Variants in FCHSD2 observed in about 807,000 individuals in gnomAD.
The protein encoded by FCHSD2 is F-BAR and double SH3 domains protein 2.
Under a neutral mutation model 108.1 loss-of-function variants are expected in FCHSD2, and 38 were observed. The ratio of observed to expected loss-of-function variants is 0.35; its 90% confidence interval spans 0.27 to 0.46. The LOEUF (loss-of-function observed/expected upper bound fraction) is 0.46, where lower values mean the gene tolerates loss of function less well. Ranked by LOEUF, FCHSD2 falls within the 20% of genes least tolerant of loss-of-function variation. The pLI, the probability that FCHSD2 is intolerant of heterozygous loss-of-function variation, is 1.00. For missense variants in FCHSD2, 751 were observed against 897.8 expected (o/e 0.84, Z 2.09); for synonymous variants, 279 against 314.7 (o/e 0.89, Z 1.20).
At chr11:73,082,164 A>C (rs184234438) in intron 3 of FCHSD2, among the ~76,000 whole-genome samples, 1 of 151,880 alleles carries the variant, frequency 6.6e-6, no homozygotes, top group African/African-American at 2.4e-5. Context: ...GGTGAAACCC[A>C]GTCTCTACTA....
At chr11:72,993,668 A>C (rs1429542129) in intron 5 of FCHSD2, among the ~76,000 whole-genome samples, 3 of 151,362 alleles carry the variant, frequency 2.0e-5, no homozygotes, top group Non-Finnish European at 4.4e-5. Context: ...ACAAAAAACC[A>C]AACACCGCAT....
chr11:73,057,123 T>C (rs1021086704), intron 3 of FCHSD2, among the ~76,000 whole-genome samples: 1 of 151,956 alleles, frequency 6.6e-6, no homozygotes, highest in Non-Finnish European at 1.5e-5. Flanking sequence ...ATAAAATCCA[T>C]AGGTTGACAA....
chr11:72,848,729 G>A (rs1401135533), intron 14 of FCHSD2, among the ~76,000 whole-genome samples: 3 of 152,146 alleles, frequency 2.0e-5, no homozygotes, highest in Non-Finnish European at 4.4e-5. Context: ...TTGAATGAAT[G>A]TGAACTGTTT....
At chr11:72,909,310 T>G (rs1855700668) in intron 9 of FCHSD2, among the ~76,000 whole-genome samples, 4 of 152,220 alleles carry the variant, frequency 2.6e-5, no homozygotes, top group Admixed American at 2.6e-4. Context: ...GTGCTGGGAT[T>G]GCAGATGGAG....
chr11:72,886,772 C>T (rs1306718709), intron 12 of FCHSD2, among the ~76,000 whole-genome samples: 2 of 152,186 alleles, frequency 1.3e-5, no homozygotes, highest in African/African-American at 4.8e-5. Context: ...TCTGTGTCTT[C>T]CTCCTTTGCT....
chr11:73,091,800 G>C (rs1011331636), intron 2 of FCHSD2, among the ~76,000 whole-genome samples: 6 of 152,206 alleles, frequency 3.9e-5, no homozygotes, highest in African/African-American at 7.2e-5. Context: ...AGTACTTTGG[G>C]AGGCCGAGGC....
rs1052219556 is a variant in FCHSD2, at chr11:72,993,848, G to C, written c.388-4751C>G. Among the ~76,000 whole-genome samples the C allele has an allele frequency of 3.0e-4, 46 of 152,016 alleles. 1 individual carries two copies. The highest frequency in any genetic ancestry group is 1.1e-3 in the African/African-American group (45 of 41,378). The stretch of plus-strand genomic sequence containing the variant: ...GGGTGCAGCACACCAACATGGCACT[G>C]TATACATATGTAACTAACCTGCACG... On this transcript the variant is annotated intron_variant, in intron 5 of 19. Coordinates refer to ENST00000409418, the MANE Select transcript of FCHSD2 (RefSeq NM_014824.3).
At chr11:72,955,772 C>G (rs945193689) in intron 8 of FCHSD2, among the ~76,000 whole-genome samples, 2 of 152,088 alleles carry the variant, frequency 1.3e-5, no homozygotes, top group East Asian at 3.8e-4. Context: ...AATATAGGAA[C>G]AAAAGATTCT....
At chr11:72,865,574 T>C (rs769540693) in intron 13 of FCHSD2, among the ~76,000 whole-genome samples, 3 of 152,112 alleles carry the variant, frequency 2.0e-5, no homozygotes, top group Non-Finnish European at 2.9e-5. Flanking sequence ...AGCTCCTTCA[T>C]TCCCTTCCTT....
chr11:72,849,732 C>T, intron 14 of FCHSD2, 23 bp downstream of exon 14: 3 of 1,573,078 alleles, frequency 1.9e-6, no homozygotes, highest in Non-Finnish European at 2.6e-6. Context: ...AATTTAATAA[C>T]ATTATGTTGG....
chr11:72,981,986 A>G (rs551506563), intron 8 of FCHSD2, among the ~76,000 whole-genome samples: 5 of 152,300 alleles, frequency 3.3e-5, no homozygotes, highest in African/African-American at 1.2e-4. Context: ...TGTCTCAAAA[A>G]CTATATATAC....
intron 10 of FCHSD2, among the ~76,000 whole-genome samples, chr11:72,897,282 C>A (rs1378352500): frequency 7.0e-6 from 1 of 143,646 alleles, no homozygotes; most frequent in Non-Finnish European, 1.5e-5. Context: ...TCTGTGGATT[C>A]AACCAACCGT....
intron 13 of FCHSD2, among the ~76,000 whole-genome samples, chr11:72,851,385 CAG>C (rs1357200818): frequency 2.0e-5 from 3 of 152,114 alleles, no homozygotes; most frequent in Non-Finnish European, 2.9e-5. Flanking sequence ...TGTCCATCAA[CAG>C]GGGAATGTTT....
chr11:72,993,784 G>T (rs1857467595), intron 5 of FCHSD2, among the ~76,000 whole-genome samples: 1 of 151,624 alleles, frequency 6.6e-6, no homozygotes, highest in African/African-American at 2.4e-5. Flanking sequence ...GGGAGGGATA[G>T]CATTTGGAGA....
At chr11:73,068,415 T>A (rs1035382372) in intron 3 of FCHSD2, among the ~76,000 whole-genome samples, 19 of 151,778 alleles carry the variant, frequency 1.3e-4, no homozygotes, top group African/African-American at 4.6e-4. Flanking sequence ...CTGAGCTTAA[T>A]ACCTGGATGA....
intron 4 of FCHSD2, among the ~76,000 whole-genome samples, chr11:73,003,060 T>C (rs1257787851): frequency 6.6e-6 from 1 of 152,166 alleles, no homozygotes; most frequent in Non-Finnish European, 1.5e-5. Context: ...GACAAATCCT[T>C]TCATTAAAAA....
chr11:72,983,793 C>A, intron 8 of FCHSD2: 1 of 492,966 alleles, frequency 2.0e-6, no homozygotes, highest in Non-Finnish European at 3.9e-6. Context: ...TATTTTATTT[C>A]TTACATCACT....
At chr11:72,939,570 T>C (rs556615317) in intron 8 of FCHSD2, among the ~76,000 whole-genome samples, 3 of 151,176 alleles carry the variant, frequency 2.0e-5, no homozygotes, top group South Asian at 2.1e-4. Context: ...CTCTGGCTTA[T>C]AGGAAATCTA....
intron 2 of FCHSD2, among the ~76,000 whole-genome samples, chr11:73,109,047 T>A (rs1860418631): frequency 6.6e-6 from 1 of 152,218 alleles, no homozygotes; most frequent in Non-Finnish European, 1.5e-5. Context: ...TCACTGTAGA[T>A]GTATGGATTT....
Sources: allele counts gnomAD v4.1 joint callset (sites outside exome capture counted in the v4.1 genomes callset), GRCh38; gene constraint gnomAD v4.1.1; transcripts MANE v1.5; gene names NCBI Gene and HGNC (gene_info 2026-07-23, HGNC 2026-07-21).